GLT8D2: variants seen among roughly 807,000 people sequenced by gnomAD.
The protein encoded by GLT8D2 is glycosyltransferase 8 domain containing 2.
A neutral mutation model predicts 44.5 loss-of-function variants in GLT8D2; 45 were observed. That is an observed-to-expected ratio of 1.01 (90% CI 0.80 to 1.30). The LOEUF (loss-of-function observed/expected upper bound fraction) is 1.30. Among genes scored for constraint, GLT8D2 ranks in the 50% most tolerant of loss-of-function variants. The probability of loss-of-function intolerance (pLI) is 0.00; values close to 1 mark genes in which losing one functional copy is unlikely to be tolerated. For synonymous variants in GLT8D2, 156 were observed against 157.2 expected (o/e 0.99, Z 0.06); for missense variants, 400 against 430.4 (o/e 0.93, Z 0.62).
intron 1 of GLT8D2, among the ~76,000 whole-genome samples, chr12:104,025,445 G>C (rs1878461431): frequency 6.6e-6 from 1 of 152,064 alleles, no homozygotes; most frequent in African/African-American, 2.4e-5. Flanking sequence ...CTGAGCTCAA[G>C]TGATCTGCCT....
chr12:104,058,762 G>A (rs559967309), intron 1 of GLT8D2, among the ~76,000 whole-genome samples: 6 of 152,310 alleles, frequency 3.9e-5, no homozygotes, highest in South Asian at 2.1e-4. Context: ...GAAGTAGTGA[G>A]AGATGAAAGT....
At chr12:104,009,712 G>T (rs1379641969) in intron 4 of GLT8D2, among the ~76,000 whole-genome samples, 3 of 152,228 alleles carry the variant, frequency 2.0e-5, no homozygotes, top group African/African-American at 7.2e-5. Flanking sequence ...TTTCCCACAT[G>T]TTGTGGGAGG....
Position 103,989,003 on chromosome 12 carries a change from T to C in GLT8D2, c.*405A>G, listed in dbSNP as rs1334379886. On this transcript the variant is annotated 3_prime_UTR_variant, in exon 11 of 11. Transcript: ENST00000360814. ...TAAAAATCATAAAAATGATGAATAT[T>C]TTATTTTTCAGACGTCCATATTTTA... is the stretch of plus-strand genomic sequence containing the variant. 6.5e-6 allele frequency: 1 copy of C among 153,370 alleles called. No individual in the cohort carries two copies. The highest frequency in any genetic ancestry group is 1.5e-5 in the Non-Finnish European group (1 of 68,880). The allele number at this position is 153,370 out of a possible 1,614,324, so 9.5% of individuals were successfully genotyped here.
chr12:104,041,872 G>A (rs770861204), intron 1 of GLT8D2, among the ~76,000 whole-genome samples: 10 of 152,320 alleles, frequency 6.6e-5, no homozygotes, highest in African/African-American at 1.2e-4. Context: ...AGGGGCACCT[G>A]ACCAGATCAT....
Position 103,989,272 on chromosome 12 carries a change from C to T in GLT8D2, c.*136G>A, listed in dbSNP as rs1872410609. On this transcript the variant is annotated 3_prime_UTR_variant, in exon 11 of 11. Coordinates refer to ENST00000360814, the MANE Select transcript of GLT8D2 (RefSeq NM_001384711.1). The stretch of plus-strand genomic sequence containing the variant: ...CCTATATGGTCCAAGGTATAATTTG[C>T]ACACAGTAGTTTTTGGTTTTTATAT... The T allele has an allele frequency of 3.1e-6, 2 of 647,320 alleles. No individual in the cohort carries two copies. The highest frequency in any genetic ancestry group is 2.6e-5 in the South Asian group (1 of 38,472). 40.1% of individuals were successfully genotyped at this position (647,320 alleles called of 1,614,324 possible).
chr12:104,029,935 A>G (rs965561946), intron 1 of GLT8D2, among the ~76,000 whole-genome samples: 3 of 152,194 alleles, frequency 2.0e-5, no homozygotes, highest in Non-Finnish European at 4.4e-5. Flanking sequence ...CTACAGATTT[A>G]ATGTAGTCCC....
intron 1 of GLT8D2, among the ~76,000 whole-genome samples, chr12:104,045,939 A>AAAGAAAG (rs1566213333): frequency 1.8e-3 from 210 of 113,764 alleles, no homozygotes; most frequent in African/African-American, 4.7e-3. Context: ...AAGAAAGAAA[A>AAAGAAAG]AGAAAGAAAG....
chr12:104,054,389 C>G (rs929779819), upstream of GLT8D2, among the ~76,000 whole-genome samples: 1 of 151,992 alleles, frequency 6.6e-6, no homozygotes, highest in African/African-American at 2.4e-5. Context: ...ATATGTACCA[C>G]AATATATTTA....
rs1872390857 is a variant in GLT8D2, at chr12:103,989,117, G to A, written c.*291C>T. 4.5e-6 allele frequency: 1 copy of A among 222,926 alleles called. No individual in the cohort carries two copies. Among genetic ancestry groups the A allele is most frequent in the Non-Finnish European group, 8.7e-6 (1 of 115,486 alleles). 13.8% of individuals were successfully genotyped at this position (222,926 alleles called of 1,614,324 possible). On this transcript the variant is annotated 3_prime_UTR_variant, in exon 11 of 11. Coordinates refer to ENST00000360814, the MANE Select transcript of GLT8D2 (RefSeq NM_001384711.1). ...ACATGTAGAAGTTTTAAAAATTTGT[G>A]GATATAATTGTCATTCAGAATTAAG...
At chr12:104,010,810 G>C (rs1328778982) in intron 4 of GLT8D2, among the ~76,000 whole-genome samples, 3 of 152,186 alleles carry the variant, frequency 2.0e-5, no homozygotes, top group Non-Finnish European at 4.4e-5. Flanking sequence ...AAGTTTGCTG[G>C]AATGAACTAA....
At chr12:104,052,460 G>C (rs1454539595), upstream of GLT8D2, among the ~76,000 whole-genome samples, 1 of 152,170 alleles carries the variant, frequency 6.6e-6, no homozygotes, top group Non-Finnish European at 1.5e-5. Context: ...GCAAGTTAGC[G>C]ATGAAGCCAG....
In GLT8D2 at chr12:103,989,322, A is replaced by G. The variant is rs1388776391; in HGVS notation, c.*86T>C. ...TTGTGGATCATATGTATCAAAGGTA[A>G]TATTCATAAAGAACAATGTTATAGT... On this transcript the variant is annotated 3_prime_UTR_variant, in exon 11 of 11. Transcript: ENST00000360814. 8.7e-7 allele frequency: 1 copy of G among 1,155,674 alleles called. No homozygotes were observed. Among genetic ancestry groups the G allele is most frequent in the East Asian group, 2.4e-5 (1 of 41,324 alleles). The allele number at this position is 1,155,674 out of a possible 1,614,324, so 71.6% of individuals were successfully genotyped here.
In GLT8D2 at chr12:104,019,534, A is replaced by G. The variant is rs933907015; in HGVS notation, c.19+96T>C. 3 of 972,300 alleles carry G rather than the reference A, an allele frequency of 3.1e-6. No individual in the cohort carries two copies. The Admixed American group carries it at 7.7e-5, about 25-fold the overall frequency. The allele number at this position is 972,300 out of a possible 1,614,324, so 60.2% of individuals were successfully genotyped here. On this transcript the variant is annotated intron_variant, in intron 3 of 10. Transcript: ENST00000360814. The stretch of plus-strand genomic sequence containing the variant: ...GGAAAACTATCCATGAAAATCAAAC[A>G]CAATCCAAGAAAGAAGAAAAGAGCC...
chr12:104,061,714 T>C (rs1593582573), intron 1 of GLT8D2, among the ~76,000 whole-genome samples: 1 of 152,142 alleles, frequency 6.6e-6, no homozygotes, highest in African/African-American at 2.4e-5. Context: ...CAGTGGTTCA[T>C]GCCTGTAACC....
rs1593539303 is a variant in GLT8D2, at chr12:104,010,214, A to G, written c.112+4799T>C. ...CACATTTCTTTGCCTGGCACACAAGACCCCTCATGATCCAGCCCCTGCTCA... is the reference window on the plus strand; with the variant it reads ...CACATTTCTTTGCCTGGCACACAAGGCCCCTCATGATCCAGCCCCTGCTCA... On this transcript the variant is annotated intron_variant, in intron 4 of 10. Transcript: ENST00000360814. Among the ~76,000 whole-genome samples, 2 of 152,134 alleles carry G rather than the reference A, an allele frequency of 1.3e-5. 1 individual carries two copies. Among genetic ancestry groups the G allele is most frequent in the South Asian group, 4.2e-4 (2 of 4,818 alleles).
chr12:104,053,220 C>G (rs1046995181), upstream of GLT8D2, among the ~76,000 whole-genome samples: 1 of 152,190 alleles, frequency 6.6e-6, no homozygotes, highest in African/African-American at 2.4e-5. Context: ...ATCTCTCATC[C>G]ACCTAGCAGA....
rs115540856 is a variant in GLT8D2 at position 103,997,270 on chromosome 12, G to A, written c.487+181C>T. Among the ~76,000 whole-genome samples, 1,064 of 152,304 alleles carry A rather than the reference G, an allele frequency of 7.0e-3. 10 individuals are homozygous for A. Among genetic ancestry groups the A allele is most frequent in the African/African-American group, 0.024 (1,005 of 41,568 alleles). On this transcript the variant is annotated intron_variant, in intron 7 of 10. Transcript: ENST00000360814. ...TGACAATCAGAGTGTCAACTGGATT[G>A]TCTCAGTAAGTATCAACCCGTTTCC... is the stretch of plus-strand genomic sequence containing the variant.
chr12:104,007,095 G>C (rs1478213842), intron 4 of GLT8D2, among the ~76,000 whole-genome samples: 1 of 152,108 alleles, frequency 6.6e-6, no homozygotes, highest in Non-Finnish European at 1.5e-5. Flanking sequence ...TTTTGAGCCT[G>C]GCTATGCTAT....
intron 1 of GLT8D2, among the ~76,000 whole-genome samples, chr12:104,061,613 T>C (rs917424555): frequency 1.3e-5 from 2 of 152,190 alleles, no homozygotes; most frequent in African/African-American, 4.8e-5. Flanking sequence ...AGATAAATAT[T>C]CATAACCTCT....
Sources: gnomAD v4.1 joint callset for allele counts (sites outside exome capture counted in the v4.1 genomes callset) on GRCh38, gnomAD v4.1.1 for gene constraint, MANE v1.5 for transcripts, NCBI Gene and HGNC (gene_info 2026-07-23, HGNC 2026-07-21) for gene names.